Variants in OSBPL11 observed in about 807,000 individuals in gnomAD.
OSBPL11 encodes the protein oxysterol binding protein like 11.
OSBPL11 carries 33 observed loss-of-function variants against 84.4 expected under a neutral mutation model. That is an observed-to-expected ratio of 0.39 (90% CI 0.30 to 0.52). The LOEUF (loss-of-function observed/expected upper bound fraction) is 0.52, where lower values mean the gene tolerates loss of function less well. OSBPL11 is among the 20% of genes least tolerant of loss of function. The pLI, the probability that OSBPL11 is intolerant of heterozygous loss-of-function variation, is 0.72. For missense variants in OSBPL11, 736 were observed against 901.1 expected (o/e 0.82, Z 2.35); for synonymous variants, 276 against 310.2 (o/e 0.89, Z 1.16).
intron 1 of OSBPL11, among the ~76,000 whole-genome samples, chr3:125,588,453 C>G (rs1254882400): frequency 6.6e-6 from 1 of 152,104 alleles, no homozygotes; most frequent in Non-Finnish European, 1.5e-5. Context: ...GAGCCAATTC[C>G]TCATAATCTC....
intron 5 of OSBPL11, among the ~76,000 whole-genome samples, chr3:125,575,733 G>A (rs1312737900): frequency 7.6e-6 from 1 of 131,666 alleles, no homozygotes; most frequent in East Asian, 2.4e-4. Context: ...GACGGGGTCT[G>A]GCTTTGTTGC....
chr3:125,542,210 T>C (rs1166674413), intron 10 of OSBPL11, among the ~76,000 whole-genome samples: 1 of 152,152 alleles, frequency 6.6e-6, no homozygotes, highest in Non-Finnish European at 1.5e-5. Flanking sequence ...AGGCAGAGCT[T>C]AGGAATTTAA....
intron 7 of OSBPL11, among the ~76,000 whole-genome samples, chr3:125,562,438 T>C (rs1311762781): frequency 1.3e-5 from 2 of 152,234 alleles, no homozygotes; most frequent in African/African-American, 4.8e-5. Flanking sequence ...TTATTGTTTT[T>C]TCTTCTCCCC....
intron 10 of OSBPL11, among the ~76,000 whole-genome samples, chr3:125,542,840 T>C (rs921116472): frequency 3.9e-5 from 6 of 152,040 alleles, no homozygotes; most frequent in African/African-American, 1.4e-4. Context: ...AGACAGGGTT[T>C]CTCCATGTTG....
intron 1 of OSBPL11, among the ~76,000 whole-genome samples, chr3:125,591,148 C>T (rs1936589543): frequency 6.6e-6 from 1 of 152,204 alleles, no homozygotes; most frequent in African/African-American, 2.4e-5. Context: ...GACACTTAAA[C>T]ATTCTGGCAA....
intron 1 of OSBPL11, among the ~76,000 whole-genome samples, chr3:125,586,817 A>G (rs1230338401): frequency 6.6e-6 from 1 of 152,176 alleles, no homozygotes; most frequent in African/African-American, 2.4e-5. Context: ...GCCCGGCAAT[A>G]TACTTATTTC....
intron 2 of OSBPL11, among the ~76,000 whole-genome samples, chr3:125,580,611 C>G (rs1030197476): frequency 6.6e-6 from 1 of 150,412 alleles, no homozygotes; most frequent in Admixed American, 6.6e-5. Flanking sequence ...AGAGGCCTAT[C>G]AGTTAATGCA....
intron 1 of OSBPL11, among the ~76,000 whole-genome samples, chr3:125,592,050 T>C (rs1198442033): frequency 8.6e-6 from 1 of 116,402 alleles, no homozygotes; most frequent in Non-Finnish European, 1.7e-5. Flanking sequence ...TAAAACTTCA[T>C]GAAAACAACT....
chr3:125,532,082 C>G, intron 11 of OSBPL11, 68 bp from the exon 12 acceptor site: 2 of 1,422,526 alleles, frequency 1.4e-6, no homozygotes, highest in Non-Finnish European at 1.9e-6. Flanking sequence ...AATCAATACC[C>G]TCAAAATTAC....
Position 125,594,620 on chromosome 3 carries a change from T to G in OSBPL11, c.164+17A>C, listed in dbSNP as rs1034446383. On this transcript the variant is annotated intron_variant, in intron 1 of 12. Coordinates refer to ENST00000296220, the MANE Select transcript of OSBPL11 (RefSeq NM_022776.5). Reference sequence around the variant, plus strand: ...CTACCTCCACCTCGGGAAATAATTTTGGAGAAAGGAGCATACCTGTACTGC... The same window carrying G: ...CTACCTCCACCTCGGGAAATAATTTGGGAGAAAGGAGCATACCTGTACTGC... 2 of 1,606,702 alleles carry G rather than the reference T, an allele frequency of 1.2e-6. No individual in the cohort carries two copies. Among genetic ancestry groups the G allele is most frequent in the East Asian group, 2.2e-5 (1 of 44,724 alleles).
intron 1 of OSBPL11, among the ~76,000 whole-genome samples, chr3:125,590,954 CCTAAGTCTATATTGT>C (rs1936587088): frequency 6.6e-6 from 1 of 152,058 alleles, no homozygotes; most frequent in South Asian, 2.1e-4. Context: ...TACTATATTG[CCTAAGTCTATATTGT>C]CATTTAGACT....
chr3:125,585,562 G>T (rs1281789947), intron 1 of OSBPL11, among the ~76,000 whole-genome samples: 3 of 151,092 alleles, frequency 2.0e-5, no homozygotes, highest in African/African-American at 7.3e-5. Flanking sequence ...AAACTATAAG[G>T]ATATTGACAT....
At chr3:125,539,665 G>T (rs1935697752) in intron 10 of OSBPL11, among the ~76,000 whole-genome samples, 2 of 152,028 alleles carry the variant, frequency 1.3e-5, no homozygotes, top group South Asian at 4.1e-4. Flanking sequence ...GGCCAGGCTG[G>T]TCTTGAACTC....
chr3:125,540,518 A>G (rs925119219), intron 10 of OSBPL11, among the ~76,000 whole-genome samples: 1 of 152,072 alleles, frequency 6.6e-6, no homozygotes, highest in Non-Finnish European at 1.5e-5. Context: ...TTGTGATGTC[A>G]TTACATGCTT....
At position 125,594,850 on chromosome 3, in the gene OSBPL11, G is replaced by A. The variant is rs1465107381; in HGVS notation, c.-50C>T. The A allele has an allele frequency of 1.3e-6, 2 of 1,559,114 alleles. No individual in the cohort carries two copies. The highest frequency in any genetic ancestry group is 8.7e-7 in the Non-Finnish European group (1 of 1,151,944). ...TTCTTGAGCGGGAGAGAACAATTCTGTAGTTCTGTAGGTGACTTTTTTTTT... is the reference window on the plus strand; with the variant it reads ...TTCTTGAGCGGGAGAGAACAATTCTATAGTTCTGTAGGTGACTTTTTTTTT... On this transcript the variant is annotated 5_prime_UTR_variant, in exon 1 of 13. Coordinates refer to ENST00000296220, the MANE Select transcript of OSBPL11 (RefSeq NM_022776.5).
intron 5 of OSBPL11, among the ~76,000 whole-genome samples, chr3:125,575,725 C>T (rs969541792): frequency 5.0e-5 from 7 of 138,852 alleles, no homozygotes; most frequent in East Asian, 4.5e-4. Context: ...TTTTTAGAGA[C>T]GGGGTCTGGC....
intron 5 of OSBPL11, among the ~76,000 whole-genome samples, chr3:125,570,091 G>A (rs1177301789): frequency 6.6e-6 from 1 of 152,078 alleles, no homozygotes; most frequent in Non-Finnish European, 1.5e-5. Flanking sequence ...AGCATAATCA[G>A]AAGTCACAAT....
intron 8 of OSBPL11, among the ~76,000 whole-genome samples, chr3:125,559,816 G>A (rs1936048813): frequency 6.6e-6 from 1 of 152,082 alleles, no homozygotes; most frequent in East Asian, 1.9e-4. Context: ...GCCTCCCGAG[G>A]AGAGTGGATC....
In OSBPL11 at chr3:125,576,462, C is replaced by T. The variant is rs1000403399; in HGVS notation, c.490-97G>A. ...ACACTTAAGATTTACACATGAGCAG[C>T]GTTTAAAATTAAATTAACTTCAGAA... On this transcript the variant is annotated intron_variant, in intron 4 of 12. Coordinates refer to ENST00000296220, the MANE Select transcript of OSBPL11 (RefSeq NM_022776.5). 25 of 886,258 alleles carry T rather than the reference C, an allele frequency of 2.8e-5. No homozygotes were observed. In the East Asian group the frequency reaches 2.9e-4, roughly 10 times the overall value. The allele number at this position is 886,258 out of a possible 1,614,324, so 54.9% of individuals were successfully genotyped here.
Sources: allele counts gnomAD v4.1 joint callset (sites outside exome capture counted in the v4.1 genomes callset), GRCh38; gene constraint gnomAD v4.1.1; transcripts MANE v1.5; gene names NCBI Gene and HGNC (gene_info 2026-07-23, HGNC 2026-07-21).